The following WDPCP variants were observed in gnomAD, a reference collection of about 807,000 sequenced individuals.
The protein encoded by WDPCP is WD repeat-containing and planar cell polarity effector protein fritz homolog.
In WDPCP, 71 loss-of-function variants were observed where a neutral mutation model predicts 93.1. The ratio of observed to expected loss-of-function variants is 0.76; its 90% CI spans 0.63 to 0.93. The LOEUF (loss-of-function observed/expected upper bound fraction) is 0.93, where lower values mean the gene tolerates loss of function less well. Ranked by LOEUF, WDPCP falls within the 40% of genes least tolerant of loss-of-function variation. The pLI is 0.00. For synonymous variants in WDPCP, 315 were observed against 315.0 expected (o/e 1.00, Z 0.00); for missense variants, 844 against 887.4 (o/e 0.95, Z 0.62).
At chr2:63,755,890 A>G (rs1317163531) in intron 2 of WDPCP, among the ~76,000 whole-genome samples, 1 of 152,212 alleles carries the variant, frequency 6.6e-6, no homozygotes, top group Non-Finnish European at 1.5e-5. Flanking sequence ...TTCTTTAAGA[A>G]TCTCCCCTGC....
chr2:63,712,799 C>T (rs145469330), intron 2 of WDPCP, among the ~76,000 whole-genome samples: 133 of 152,274 alleles, frequency 8.7e-4, no homozygotes, highest in Non-Finnish European at 1.7e-3. Context: ...ATAATCTGAT[C>T]GAGGGTTCAT....
At chr2:63,801,722 T>C (rs1670698674) in intron 2 of WDPCP, among the ~76,000 whole-genome samples, 2 of 152,204 alleles carry the variant, frequency 1.3e-5, no homozygotes, top group South Asian at 4.1e-4. Flanking sequence ...AAGTTCCTGA[T>C]TGGTGCGTTT....
intron 9 of WDPCP, among the ~76,000 whole-genome samples, chr2:63,432,431 T>A (rs1283827142): frequency 6.6e-6 from 1 of 152,136 alleles, no homozygotes; most frequent in Non-Finnish European, 1.5e-5. Context: ...ACTAAGATCC[T>A]TGAAGGCAGG....
At position 63,575,425 on chromosome 2, in the gene WDPCP, A is replaced by G. The variant is rs1018603748; in HGVS notation, c.75+12772T>C. Among the ~76,000 whole-genome samples the G allele has an allele frequency of 6.4e-4, 66 of 103,146 alleles. 3 individuals are homozygous for G. The highest frequency in any genetic ancestry group is 1.7e-3 in the African/African-American group (31 of 18,032). The allele number at this position is 103,146 out of a possible 152,430, so 67.7% of individuals were successfully genotyped here. A position where few individuals can be genotyped will look rare whatever the true frequency, so the allele number is the denominator to read the frequency against. On this transcript the variant is annotated intron_variant, in intron 1 of 17. Coordinates refer to ENST00000272321, the MANE Select transcript of WDPCP (RefSeq NM_015910.7). Reference sequence around the variant, plus strand: ...TATATATACAGTATATACACTGTATACAGTGTATATACAGTGTATACACTG... The same window carrying G: ...TATATATACAGTATATACACTGTATGCAGTGTATATACAGTGTATACACTG...
intron 15 of WDPCP, among the ~76,000 whole-genome samples, chr2:63,169,309 G>A (rs1175579644): frequency 1.3e-5 from 2 of 152,204 alleles, no homozygotes; most frequent in Non-Finnish European, 2.9e-5. Context: ...CATACTTGAA[G>A]GAGATCATGG....
At chr2:63,600,222 G>A (rs945777039) in intron 3 of WDPCP, among the ~76,000 whole-genome samples, 6 of 152,200 alleles carry the variant, frequency 3.9e-5, no homozygotes, top group Admixed American at 1.3e-4. Context: ...AAAGAGAAAA[G>A]AATATACATT....
At chr2:63,464,563 C>G (rs1469553121) in intron 6 of WDPCP, among the ~76,000 whole-genome samples, 2 of 151,754 alleles carry the variant, frequency 1.3e-5, no homozygotes, top group Non-Finnish European at 2.9e-5. Context: ...AAAGCGGGGT[C>G]TTGAAGAGAT....
At chr2:63,599,166 C>G in intron 3 of WDPCP, 1 of 1,613,098 alleles carries the variant, frequency 6.2e-7, no homozygotes. Context: ...TCCATTCCTC[C>G]TAGGTTATTG....
intron 9 of WDPCP, among the ~76,000 whole-genome samples, chr2:63,417,369 A>G (rs1176742778): frequency 6.6e-6 from 1 of 152,178 alleles, no homozygotes; most frequent in Non-Finnish European, 1.5e-5. Context: ...GTAGCTCAAT[A>G]AAACACTATT....
At chr2:63,514,073 TA>T (rs1158071161) in intron 1 of WDPCP, among the ~76,000 whole-genome samples, 1 of 152,130 alleles carries the variant, frequency 6.6e-6, no homozygotes, top group Non-Finnish European at 1.5e-5. Flanking sequence ...ATTAAAATTT[TA>T]AAAATGATGA....
At chr2:63,357,699 G>A (rs1459968833) in intron 12 of WDPCP, among the ~76,000 whole-genome samples, 2 of 152,106 alleles carry the variant, frequency 1.3e-5, no homozygotes, top group Non-Finnish European at 2.9e-5. Flanking sequence ...GCAGTTTGGC[G>A]ATTCCTCCAA....
intron 1 of WDPCP, among the ~76,000 whole-genome samples, chr2:63,546,426 G>A (rs1344644677): frequency 6.6e-6 from 1 of 152,030 alleles, no homozygotes; most frequent in Non-Finnish European, 1.5e-5. Context: ...AACATAAAAG[G>A]GAAAGAAAAG....
intron 6 of WDPCP, among the ~76,000 whole-genome samples, chr2:63,448,593 T>C (rs1164997170): frequency 6.6e-6 from 1 of 152,116 alleles, no homozygotes; most frequent in African/African-American, 2.4e-5. Context: ...TTTGTTTAGT[T>C]AGAAATATGA....
chr2:63,133,079 G>T (rs1186065320), intron 17 of WDPCP, among the ~76,000 whole-genome samples: 1 of 152,220 alleles, frequency 6.6e-6, no homozygotes, highest in African/African-American at 2.4e-5. Flanking sequence ...ACATCAAAGA[G>T]AAAGCTAAAG....
chr2:63,597,659 T>G (rs973228429), intron 3 of WDPCP: 3 of 1,228,256 alleles, frequency 2.4e-6, no homozygotes, highest in Non-Finnish European at 3.2e-6. Flanking sequence ...CCAAAATTAT[T>G]TGCCCTTTTT....
At chr2:63,559,282 T>G (rs1706389992) in intron 1 of WDPCP, among the ~76,000 whole-genome samples, 1 of 152,144 alleles carries the variant, frequency 6.6e-6, no homozygotes, top group Non-Finnish European at 1.5e-5. Flanking sequence ...TATCTCAAAA[T>G]AATAGCGATT....
chr2:63,341,586 T>C (rs932000691), intron 12 of WDPCP, among the ~76,000 whole-genome samples: 4 of 152,340 alleles, frequency 2.6e-5, no homozygotes, highest in Middle Eastern at 6.8e-3. Context: ...AATTTCCTTA[T>C]TGACTTTCTC....
intron 17 of WDPCP, among the ~76,000 whole-genome samples, chr2:63,146,774 T>C (rs2103762588): frequency 6.6e-6 from 1 of 152,274 alleles, no homozygotes; most frequent in East Asian, 1.9e-4. Context: ...AAAAATAAGA[T>C]GTTTCAATGC....
intron 14 of WDPCP, among the ~76,000 whole-genome samples, chr2:63,235,730 A>C (rs1679331775): frequency 6.6e-6 from 1 of 152,218 alleles, no homozygotes; most frequent in African/African-American, 2.4e-5. Flanking sequence ...CCACATAAAC[A>C]GAATTAAAAA....
Sources: allele counts gnomAD v4.1 joint callset (sites outside exome capture counted in the v4.1 genomes callset), GRCh38; gene constraint gnomAD v4.1.1; transcripts MANE v1.5; gene names NCBI Gene and HGNC (gene_info 2026-07-23, HGNC 2026-07-21).